Variants in DPP10 observed in about 807,000 individuals in gnomAD.
DPP10 encodes inactive dipeptidyl peptidase 10.
Under a neutral mutation model 120.9 loss-of-function variants are expected in DPP10, and 33 were observed. That is an observed-to-expected ratio of 0.27 (90% CI 0.21 to 0.37). The LOEUF (loss-of-function observed/expected upper bound fraction) is 0.37, where lower values mean the gene tolerates loss of function less well. Among genes scored for constraint, DPP10 ranks in the 10% least tolerant of loss-of-function variants. The pLI, the probability that DPP10 is intolerant of heterozygous loss-of-function variation, is 1.00. For missense variants in DPP10, 816 were observed against 942.8 expected (o/e 0.87, Z 1.76); for synonymous variants, 337 against 326.1 (o/e 1.03, Z -0.36).
intron 3 of DPP10, among the ~76,000 whole-genome samples, chr2:115,425,410 T>C (rs1218186391): frequency 6.6e-6 from 1 of 152,206 alleles, no homozygotes; most frequent in Non-Finnish European, 1.5e-5. Flanking sequence ...AAGGATCTAA[T>C]ATTATAGTTT....
chr2:114,850,349 C>G (rs1033382736), intron 1 of DPP10, among the ~76,000 whole-genome samples: 8 of 152,100 alleles, frequency 5.3e-5, no homozygotes, highest in Admixed American at 4.6e-4. Flanking sequence ...AAGGAAATTA[C>G]TCAAACTTAT....
intron 1 of DPP10, among the ~76,000 whole-genome samples, chr2:114,963,121 C>T (rs1698768178): frequency 6.6e-6 from 1 of 152,136 alleles, no homozygotes; most frequent in South Asian, 2.1e-4. Context: ...TTTGCATATA[C>T]TTATACACGA....
chr2:115,120,277 T>C (rs763854237), intron 1 of DPP10, among the ~76,000 whole-genome samples: 122 of 152,190 alleles, frequency 8.0e-4, no homozygotes, highest in Non-Finnish European at 2.8e-4. Context: ...GTTAATTGGA[T>C]AGACCTCCTC....
In DPP10 at chr2:115,286,513, AAT is replaced by A. The variant is rs70941041; in HGVS notation, c.61-22714_61-22713del. Among the ~76,000 whole-genome samples the A allele has an allele frequency of 9.6e-4, 37 of 38,458 alleles. 1 individual carries two copies. Among genetic ancestry groups the A allele is most frequent in the African/African-American group, 2.6e-3 (36 of 13,730 alleles). The allele number at this position is 38,458 out of a possible 152,430, so 25.2% of individuals were successfully genotyped here. The stretch of plus-strand genomic sequence containing the variant: ...TATAATATATATATATTACATATAT[AAT>A]ATATATATATAATATATATATATAT... On this transcript the variant is annotated intron_variant, in intron 1 of 25. Coordinates refer to ENST00000410059, the MANE Select transcript of DPP10 (RefSeq NM_020868.6).
chr2:115,674,608 G>A (rs1251096217), intron 5 of DPP10, among the ~76,000 whole-genome samples: 1 of 152,050 alleles, frequency 6.6e-6, no homozygotes, highest in East Asian at 1.9e-4. Flanking sequence ...TTGAGCTTCA[G>A]GACTGAAGAC....
chr2:115,335,528 A>G (rs2063072964), intron 2 of DPP10, among the ~76,000 whole-genome samples: 1 of 152,032 alleles, frequency 6.6e-6, no homozygotes, highest in Non-Finnish European at 1.5e-5. Flanking sequence ...GAAAGAAAAG[A>G]ACAGATATTT....
chr2:114,565,587 G>T (rs573000168), intron 1 of DPP10, among the ~76,000 whole-genome samples: 54 of 152,330 alleles, frequency 3.5e-4, no homozygotes, highest in Admixed American at 1.6e-3. Flanking sequence ...GCTTCCCTTG[G>T]AGGAGTGAAA....
At chr2:115,780,729 A>AT (rs2149863800) in intron 15 of DPP10, 145 bp from the exon 16 acceptor site, 1 of 582,522 alleles carries the variant, frequency 1.7e-6, no homozygotes, top group East Asian at 3.2e-5. Context: ...CTTTTTATGT[A>AT]TATGGTGATT....
At chr2:115,201,476 G>A (rs968795806) in intron 1 of DPP10, among the ~76,000 whole-genome samples, 3 of 151,994 alleles carry the variant, frequency 2.0e-5, no homozygotes, top group African/African-American at 7.2e-5. Context: ...ATAAAATAAA[G>A]TAAAATAAAT....
intron 5 of DPP10, among the ~76,000 whole-genome samples, chr2:115,619,234 C>T (rs768099534): frequency 1.3e-5 from 2 of 150,058 alleles, no homozygotes; most frequent in African/African-American, 2.5e-5. Context: ...CGTGCCACCA[C>T]GTCTGGCTAA....
At chr2:115,765,525 A>G (rs1680603362) in intron 12 of DPP10, among the ~76,000 whole-genome samples, 1 of 152,198 alleles carries the variant, frequency 6.6e-6, no homozygotes, top group African/African-American at 2.4e-5. Flanking sequence ...TAATAGATCA[A>G]TATAATAGAG....
chr2:114,702,724 G>A (rs1487549355), intron 1 of DPP10, among the ~76,000 whole-genome samples: 1 of 152,208 alleles, frequency 6.6e-6, no homozygotes, highest in East Asian at 1.9e-4. Context: ...GATGCCTTCT[G>A]GCATTTATCA....
At chr2:114,847,739 C>T (rs900682073) in intron 1 of DPP10, among the ~76,000 whole-genome samples, 5 of 152,204 alleles carry the variant, frequency 3.3e-5, no homozygotes, top group African/African-American at 1.2e-4. Flanking sequence ...AAGTTATCTT[C>T]TTATATTTTA....
intron 1 of DPP10, among the ~76,000 whole-genome samples, chr2:114,534,285 C>T (rs2104759153): frequency 6.6e-6 from 1 of 152,024 alleles, no homozygotes; most frequent in African/African-American, 2.4e-5. Context: ...TCTCCTAGTT[C>T]CTCTTTGTTC....
At chr2:115,335,221 C>G (rs562552706) in intron 2 of DPP10, among the ~76,000 whole-genome samples, 1 of 152,076 alleles carries the variant, frequency 6.6e-6, no homozygotes, top group African/African-American at 2.4e-5. Context: ...TCAGTCACCT[C>G]CCACTGGGTT....
At chr2:115,415,391 T>G (rs1469014184) in intron 3 of DPP10, among the ~76,000 whole-genome samples, 1 of 152,180 alleles carries the variant, frequency 6.6e-6, no homozygotes, top group Non-Finnish European at 1.5e-5. Flanking sequence ...CAAGTATGCA[T>G]TCATGCCCAT....
At chr2:115,333,898 T>C (rs1023690367) in intron 2 of DPP10, among the ~76,000 whole-genome samples, 4 of 151,878 alleles carry the variant, frequency 2.6e-5, no homozygotes, top group Non-Finnish European at 4.4e-5. Context: ...GACAATTATG[T>C]GTCTTAGAGT....
intron 1 of DPP10, among the ~76,000 whole-genome samples, chr2:115,032,075 T>G (rs1703879461): frequency 1.3e-5 from 2 of 152,176 alleles, no homozygotes; most frequent in African/African-American, 4.8e-5. Context: ...TTCAACATAG[T>G]CTGTATGGCA....
At chr2:115,197,098 G>A (rs1294822597) in intron 1 of DPP10, among the ~76,000 whole-genome samples, 1 of 152,064 alleles carries the variant, frequency 6.6e-6, no homozygotes, top group Non-Finnish European at 1.5e-5. Context: ...CTGAGGAAAC[G>A]AAGGAGTAGG....
Sources: allele counts gnomAD v4.1 joint callset (sites outside exome capture counted in the v4.1 genomes callset), GRCh38; gene constraint gnomAD v4.1.1; transcripts MANE v1.5; gene names NCBI Gene and HGNC (gene_info 2026-07-23, HGNC 2026-07-21).